Variants in CCDC7 observed in about 807,000 individuals in gnomAD.
The protein encoded by CCDC7 is coiled-coil domain containing 7.
In CCDC7, 183 loss-of-function variants were observed where a neutral mutation model predicts 196.9. The observed-to-expected ratio is 0.93, with a 90% CI of 0.82 to 1.05. The LOEUF (loss-of-function observed/expected upper bound fraction) is 1.05. Among genes scored for constraint, CCDC7 ranks in the 50% least tolerant of loss-of-function variants. The probability of loss-of-function intolerance (pLI) is 0.00; values close to 1 mark genes in which losing one functional copy is unlikely to be tolerated. For synonymous variants in CCDC7, 525 were observed against 484.6 expected (o/e 1.08, Z -1.10); for missense variants, 1,540 against 1,482.2 (o/e 1.04, Z -0.64).
intron 5 of CCDC7, among the ~76,000 whole-genome samples, chr10:32,467,551 G>A (rs1390486966): frequency 6.6e-6 from 1 of 152,158 alleles, no homozygotes; most frequent in African/African-American, 2.4e-5. Context: ...TGTTTACTCT[G>A]TTGGTAGTTT....
At chr10:32,778,750 C>T (rs546672474) in intron 28 of CCDC7, among the ~76,000 whole-genome samples, 2 of 152,244 alleles carry the variant, frequency 1.3e-5, no homozygotes, top group Admixed American at 6.5e-5. Context: ...CTCCACTGAA[C>T]CTGTAAATTG....
chr10:32,499,452 T>A (rs1181463820), intron 9 of CCDC7: 1 of 152,206 alleles, frequency 6.6e-6, no homozygotes, highest in East Asian at 1.9e-4. Context: ...CTCCTATCAT[T>A]GTTTGGTTAA....
chr10:32,758,268 G>A (rs541031166), intron 28 of CCDC7, among the ~76,000 whole-genome samples: 5 of 152,172 alleles, frequency 3.3e-5, no homozygotes, highest in Non-Finnish European at 7.4e-5. Flanking sequence ...GCAGCATACT[G>A]ATACCAAAAC....
chr10:32,732,050 C>CA (rs745832630), intron 28 of CCDC7, among the ~76,000 whole-genome samples: 49 of 151,376 alleles, frequency 3.2e-4, no homozygotes, highest in African/African-American at 5.1e-4. Context: ...GACTCCGTCT[C>CA]AAAAAAAACA....
intron 11 of CCDC7, among the ~76,000 whole-genome samples, chr10:32,531,315 G>A (rs552526500): frequency 2.0e-5 from 3 of 152,082 alleles, no homozygotes; most frequent in Admixed American, 6.6e-5. Flanking sequence ...ACAGAGATGA[G>A]GTCTCACTAT....
intron 18 of CCDC7, among the ~76,000 whole-genome samples, chr10:32,600,849 A>AC (rs2060921832): frequency 6.6e-6 from 1 of 152,158 alleles, no homozygotes; most frequent in South Asian, 2.1e-4. Context: ...GCTTTGAGTT[A>AC]CTACTTGGTG....
chr10:32,766,879 G>A (rs1274512635), intron 28 of CCDC7, among the ~76,000 whole-genome samples: 2 of 152,006 alleles, frequency 1.3e-5, no homozygotes, highest in African/African-American at 2.4e-5. Context: ...ACCCCTTTCA[G>A]CAATATGAGG....
chr10:32,457,907 A>G (rs546398195), intron 3 of CCDC7, among the ~76,000 whole-genome samples: 116 of 151,942 alleles, frequency 7.6e-4, no homozygotes, highest in Non-Finnish European at 1.4e-3. Flanking sequence ...TGAGTTCCTT[A>G]TATATTTTGA....
intron 20 of CCDC7, among the ~76,000 whole-genome samples, chr10:32,659,569 T>C (rs1473553031): frequency 1.3e-5 from 2 of 152,360 alleles, no homozygotes; most frequent in East Asian, 1.9e-4. Flanking sequence ...ATGAAAGTTA[T>C]GTTTAAGGTC....
chr10:32,811,924 T>A (rs1333894139), intron 30 of CCDC7, among the ~76,000 whole-genome samples: 3 of 151,912 alleles, frequency 2.0e-5, no homozygotes, highest in Non-Finnish European at 4.4e-5. Flanking sequence ...CATATACAAA[T>A]CAATAAACAA....
chr10:32,501,441 C>T (rs1051774073), intron 9 of CCDC7, among the ~76,000 whole-genome samples: 3 of 146,390 alleles, frequency 2.0e-5, no homozygotes, highest in African/African-American at 5.6e-5. Flanking sequence ...CAGCTGTGAT[C>T]CTTTGCAGTA....
chr10:32,733,568 G>T (rs2084347518), intron 28 of CCDC7, among the ~76,000 whole-genome samples: 1 of 151,964 alleles, frequency 6.6e-6, no homozygotes, highest in Non-Finnish European at 1.5e-5. Flanking sequence ...TTTGTTCTTA[G>T]CTTTGTGACT....
intron 28 of CCDC7, among the ~76,000 whole-genome samples, chr10:32,738,655 G>A (rs1434094734): frequency 1.3e-5 from 2 of 151,438 alleles, no homozygotes; most frequent in Non-Finnish European, 2.9e-5. Flanking sequence ...TGTATTTTTT[G>A]TAGAGCTAGG....
At chr10:32,702,669 G>T (rs1341911397) in intron 24 of CCDC7, among the ~76,000 whole-genome samples, 2 of 152,112 alleles carry the variant, frequency 1.3e-5, no homozygotes, top group African/African-American at 2.4e-5. Flanking sequence ...CTCTTTGTAG[G>T]TCTCTAAGGG....
intron 11 of CCDC7, among the ~76,000 whole-genome samples, chr10:32,542,217 C>T (rs1393031817): frequency 6.6e-6 from 1 of 152,108 alleles, no homozygotes; most frequent in African/African-American, 2.4e-5. Flanking sequence ...TACTTTAAAA[C>T]CTGATTAGTT....
chr10:32,489,108 C>T (rs979628207), intron 8 of CCDC7, among the ~76,000 whole-genome samples: 3 of 152,130 alleles, frequency 2.0e-5, no homozygotes, highest in African/African-American at 7.2e-5. Flanking sequence ...CTGGATTTGG[C>T]TGGTGGGTGT....
intron 18 of CCDC7, among the ~76,000 whole-genome samples, chr10:32,584,653 G>A (rs888469652): frequency 4.0e-5 from 6 of 149,506 alleles, no homozygotes; most frequent in Admixed American, 1.3e-4. Context: ...CTCAGGAGGC[G>A]GAGGCAGGAG....
intron 18 of CCDC7, among the ~76,000 whole-genome samples, chr10:32,616,294 G>T (rs773278333): frequency 6.6e-6 from 1 of 151,954 alleles, no homozygotes; most frequent in African/African-American, 2.4e-5. Context: ...CCATGAGCAT[G>T]GGATGTTTTT....
At position 32,462,708 on chromosome 10, in the gene CCDC7, G is replaced by A. The variant is rs770407353; in HGVS notation, c.477+5G>A. The A allele has an allele frequency of 1.2e-5, 18 of 1,457,756 alleles. No individual in the cohort carries two copies. In the African/African-American group the frequency reaches 1.6e-4, roughly 13 times the overall value. The allele number at this position is 1,457,756 out of a possible 1,614,324, so 90.3% of individuals were successfully genotyped here. ...ATTTTGGAATCTCTTTTTAAGGTAC[G>A]TTCAATATATTACAGCTTAAGCCTA... On this transcript the variant is annotated splice_donor_5th_base_variant and intron_variant, in intron 4 of 41. Transcript: ENST00000639629.
Sources: allele counts gnomAD v4.1 joint callset (sites outside exome capture counted in the v4.1 genomes callset), GRCh38; gene constraint gnomAD v4.1.1; transcripts MANE v1.5; gene names NCBI Gene and HGNC (gene_info 2026-07-23, HGNC 2026-07-21).